VTA1: variants seen among roughly 807,000 people sequenced by gnomAD.
The protein encoded by VTA1 is vesicle trafficking 1.
VTA1 carries 24 observed loss-of-function variants against 36.9 expected under a neutral mutation model. The ratio of observed to expected loss-of-function variants is 0.65; its 90% CI spans 0.47 to 0.91. VTA1 has a LOEUF of 0.91. Among genes scored for constraint, VTA1 ranks in the 40% least tolerant of loss-of-function variants. The pLI is 0.00. For missense variants in VTA1, 393 were observed against 377.2 expected, an observed-to-expected ratio of 1.04 and a Z score of -0.35; for synonymous variants, 142 against 130.2, an observed-to-expected ratio of 1.09 and a Z score of -0.62.
At chr6:142,182,635 C>T (rs1448299263) in intron 4 of VTA1, among the ~76,000 whole-genome samples, 3 of 152,024 alleles carry the variant, frequency 2.0e-5, no homozygotes, top group Non-Finnish European at 2.9e-5. Context: ...AAGGGTTGGA[C>T]CTGACAACTA....
At chr6:142,186,610 C>T (rs1014284051) in intron 4 of VTA1, among the ~76,000 whole-genome samples, 1 of 151,844 alleles carries the variant, frequency 6.6e-6, no homozygotes, top group Admixed American at 6.6e-5. Context: ...AAAAATGACT[C>T]CTCCCATTTA....
chr6:142,187,720 G>A (rs1582892360), intron 4 of VTA1, among the ~76,000 whole-genome samples: 1 of 152,082 alleles, frequency 6.6e-6, no homozygotes, highest in Admixed American at 6.5e-5. Context: ...TGTAAGAGGA[G>A]TGTTTGATAA....
At chr6:142,215,266 G>T (rs887348042) in intron 7 of VTA1, among the ~76,000 whole-genome samples, 1 of 151,886 alleles carries the variant, frequency 6.6e-6, no homozygotes, top group African/African-American at 2.4e-5. Flanking sequence ...GTGAAACCCC[G>T]TCTCTACTAA....
chr6:142,186,377 A>G (rs1489327645), intron 4 of VTA1, among the ~76,000 whole-genome samples: 2 of 152,174 alleles, frequency 1.3e-5, no homozygotes, highest in African/African-American at 4.8e-5. Flanking sequence ...ATTGACACGA[A>G]TGGATTTATA....
chr6:142,191,952 C>T (rs1485063263), intron 5 of VTA1, among the ~76,000 whole-genome samples: 1 of 151,976 alleles, frequency 6.6e-6, no homozygotes, highest in Non-Finnish European at 1.5e-5. Flanking sequence ...ACCTAATTGT[C>T]TATTGTTCTG....
Position 142,203,996 on chromosome 6 carries a change from A to G in VTA1, c.709A>G (p.Asn237Asp), listed in dbSNP as rs753761061. Residue 237 changes from asparagine (N) to aspartate (D), a missense_variant, in exon 7 of 8, where the codon AAT becomes GAT. Physicochemically the swap from Asn to Asp is conservative, Grantham distance 23. Coordinates refer to ENST00000367630, the MANE Select transcript of VTA1 (RefSeq NM_016485.5). Reference protein sequence around the residue: ...EVPHSTGVASNTIQPTPQTIP... With the variant: ...EVPHSTGVASDTIQPTPQTIP... ...TTTCTGATTTGCAGGTGTAGCAAGT[A>G]ATACTATCCAACCTACTCCACAGAC... 3 of 1,613,384 alleles carry G rather than the reference A, an allele frequency of 1.9e-6. No individual in the cohort carries two copies. The highest frequency in any genetic ancestry group is 1.3e-5 in the African/African-American group (1 of 75,006).
At chr6:142,172,634 TCTC>T (rs1191918695) in intron 4 of VTA1, among the ~76,000 whole-genome samples, 6 of 152,208 alleles carry the variant, frequency 3.9e-5, no homozygotes, top group African/African-American at 1.4e-4. Context: ...TTTTACCTCA[TCTC>T]CTGTTATTAA....
intron 5 of VTA1, among the ~76,000 whole-genome samples, chr6:142,192,453 TATAAA>T (rs1284057196): frequency 1.3e-5 from 2 of 152,088 alleles, no homozygotes; most frequent in African/African-American, 4.8e-5. Flanking sequence ...GAATTAATGA[TATAAA>T]AAAAGAACAG....
intron 3 of VTA1, 141 bp downstream of exon 3, chr6:142,169,818 T>C: frequency 1.3e-6 from 1 of 756,312 alleles, no homozygotes; most frequent in Non-Finnish European, 1.9e-6. Context: ...CTCACGGTGA[T>C]TTTAGATTAC....
At chr6:142,211,339 GAT>G (rs756794384) in intron 7 of VTA1, among the ~76,000 whole-genome samples, 16 of 152,234 alleles carry the variant, frequency 1.1e-4, no homozygotes, top group Non-Finnish European at 1.8e-4. Context: ...ACATGTAAAA[GAT>G]AGCATAAGAG....
intron 7 of VTA1, among the ~76,000 whole-genome samples, chr6:142,218,230 T>C (rs1251505441): frequency 6.6e-6 from 1 of 152,194 alleles, no homozygotes; most frequent in African/African-American, 2.4e-5. Flanking sequence ...CCAAAGCTGC[T>C]ATCCTTGTTT....
rs1331707567 is a variant in VTA1 at position 142,219,884 on chromosome 6, A to T, written c.*1241A>T. On this transcript the variant is annotated 3_prime_UTR_variant, in exon 8 of 8. Coordinates refer to ENST00000367630, the MANE Select transcript of VTA1 (RefSeq NM_016485.5). ...CTTTGAAACAAGCCTACACTCATTCATTTATGTTTTGTCTGTGGTTGCTTT... is the reference window on the plus strand; with the variant it reads ...CTTTGAAACAAGCCTACACTCATTCTTTTATGTTTTGTCTGTGGTTGCTTT... 6.6e-6 allele frequency: 1 copy of T among 152,156 alleles called. No individual in the cohort carries two copies. Among genetic ancestry groups the T allele is most frequent in the African/African-American group, 2.4e-5 (1 of 41,464 alleles). 9.4% of individuals were successfully genotyped at this position (152,156 alleles called of 1,614,324 possible).
chr6:142,161,688 AG>A (rs1774813062), intron 1 of VTA1, among the ~76,000 whole-genome samples: 1 of 152,078 alleles, frequency 6.6e-6, no homozygotes, highest in South Asian at 2.1e-4. Context: ...CTGTTTTTGT[AG>A]GTATTTTCCA....
At chr6:142,193,841 T>G (rs1775497212) in intron 5 of VTA1, among the ~76,000 whole-genome samples, 1 of 151,996 alleles carries the variant, frequency 6.6e-6, no homozygotes, top group African/African-American at 2.4e-5. Context: ...ACCTCAGGGG[T>G]ATATCAACTC....
chr6:142,194,304 CA>C (rs138647241), intron 5 of VTA1, among the ~76,000 whole-genome samples: 30,347 of 151,980 alleles, frequency 0.2, 3,980 homozygotes, highest in Non-Finnish European at 0.28. Context: ...ATTAGATTTT[CA>C]GTTTCTCTTT....
At chr6:142,191,039 T>G (rs531591253) in intron 5 of VTA1, among the ~76,000 whole-genome samples, 210 of 152,304 alleles carry the variant, frequency 1.4e-3, no homozygotes, top group Non-Finnish European at 2.2e-3. Context: ...TCATGATATA[T>G]TATTTTTTTA....
At chr6:142,209,370 G>A (rs225698) in intron 7 of VTA1, among the ~76,000 whole-genome samples, 57,570 of 147,660 alleles carry the variant, frequency 0.39, 13,139 homozygotes, top group Middle Eastern at 0.57. Context: ...ATAATATTCC[G>A]TTGTGTATAT....
chr6:142,157,028 G>C (rs1449444952), intron 1 of VTA1, among the ~76,000 whole-genome samples: 1 of 152,202 alleles, frequency 6.6e-6, no homozygotes, highest in East Asian at 1.9e-4. Flanking sequence ...GCCGGGCGTG[G>C]TAGCGTTTAC....
intron 1 of VTA1, among the ~76,000 whole-genome samples, chr6:142,151,700 C>T (rs372059107): frequency 6.6e-6 from 1 of 152,184 alleles, no homozygotes; most frequent in Non-Finnish European, 1.5e-5. Context: ...ATCTTCGGCT[C>T]TGAGGTTTTT....
Sources: gnomAD v4.1 joint callset for allele counts (sites outside exome capture counted in the v4.1 genomes callset) on GRCh38, gnomAD v4.1.1 for gene constraint, MANE v1.5 for transcripts, NCBI Gene and HGNC (gene_info 2026-07-23, HGNC 2026-07-21) for gene names.